Variants in LIMS2 observed in about 807,000 individuals in gnomAD.
LIMS2 encodes LIM zinc finger domain containing 2.
In LIMS2, 30 loss-of-function variants were observed where a neutral mutation model predicts 45.3. The ratio of observed to expected loss-of-function variants is 0.66; its 90% CI spans 0.50 to 0.90. The LOEUF (loss-of-function observed/expected upper bound fraction) is 0.90, where lower values mean the gene tolerates loss of function less well. LIMS2 is among the 40% of genes least tolerant of loss of function. LIMS2 has a pLI of 0.00. For synonymous variants in LIMS2, 173 were observed against 188.0 expected (o/e 0.92, Z 0.65); for missense variants, 485 against 468.7 (o/e 1.03, Z -0.32).
intron 1 of LIMS2, among the ~76,000 whole-genome samples, chr2:127,660,734 G>A (rs1445661935): frequency 6.6e-6 from 1 of 152,222 alleles, no homozygotes; most frequent in Non-Finnish European, 1.5e-5. Flanking sequence ...ACCAAAAGGA[G>A]CCAATGCTGG....
chr2:127,642,802 C>T lies in LIMS2; in HGVS notation c.509+121G>A. The T allele has an allele frequency of 8.7e-7, 1 of 1,154,482 alleles. No homozygotes were observed. Among genetic ancestry groups the T allele is most frequent in the South Asian group, 1.5e-5 (1 of 64,964 alleles). The allele number at this position is 1,154,482 out of a possible 1,614,324, so 71.5% of individuals were successfully genotyped here. On this transcript the variant is annotated intron_variant, in intron 5 of 9. Transcript: ENST00000355119. The surrounding 1 kb of genome is among the most constrained non-coding windows in gnomAD (Gnocchi z 5.3). ...AGCCTTGCTCTCGGGACCCCTCTGT[C>T]TGCCCACCCTGCTCCCCTCTCCCTC... is the stretch of plus-strand genomic sequence containing the variant.
chr2:127,640,782 G>A (rs1558866875), intron 7 of LIMS2, 114 bp downstream of exon 7: 2 of 916,996 alleles, frequency 2.2e-6, no homozygotes, highest in Non-Finnish European at 3.5e-6. Context: ...TGCAGGCCTG[G>A]GCTCAGCACC....
At chr2:127,670,579 C>T (rs13410435) in intron 1 of LIMS2, among the ~76,000 whole-genome samples, 191 of 152,270 alleles carry the variant, frequency 1.3e-3, no homozygotes, top group Non-Finnish European at 1.8e-3. Context: ...TGTGAATGCA[C>T]GAAAAACCAC....
chr2:127,648,991 G>GGGGGGGGGGGAGGGAGA (rs1457959172), intron 4 of LIMS2, among the ~76,000 whole-genome samples: 1 of 26,092 alleles, frequency 3.8e-5, no homozygotes, highest in African/African-American at 1.4e-4. Flanking sequence ...GGGGAGGGGA[G>GGGGGGGGGGGAGGGAGA]GGAGGGGAGG....
intron 4 of LIMS2, chr2:127,650,910 GACC>G (rs778169650): frequency 6.2e-7 from 1 of 1,614,058 alleles, no homozygotes; most frequent in South Asian, 1.1e-5. Flanking sequence ...TTTCATCCGA[GACC>G]ACAAGTCCGG....
rs1429906470 is a variant in LIMS2 at position 127,639,129 on chromosome 2, A to AGAT, written c.*149_*151dup. 70 of 787,282 alleles carry AGAT rather than the reference A, an allele frequency of 8.9e-5. No homozygotes were observed. The highest frequency in any genetic ancestry group is 8.0e-6 in the Non-Finnish European group (4 of 502,638). The allele number at this position is 787,282 out of a possible 1,614,324, so 48.8% of individuals were successfully genotyped here. A position where few individuals can be genotyped will look rare whatever the true frequency, so the allele number is the denominator to read the frequency against. ...GAGAGGAGAGACATGGGGAAGGCAG[A>AGAT]GATGAGGGAACAGGAAGGGAGAAGG... On this transcript the variant is annotated 3_prime_UTR_variant, in exon 10 of 10. Transcript: ENST00000355119.
Position 127,640,292 on chromosome 2 carries a change from G to A in LIMS2, c.780C>T (p.Cys260=). ...CACCATCGCCTTCAATCACATGGCT[G>A]CAGTTGTAGCAGACGTCCCCGAAGA... ...NQLFGDVCYN[C]SHVIEGDVVS... The change falls in exon 8 of 10, where the codon TGC becomes TGT. Residue 260 remains cysteine (C), a synonymous_variant. Transcript: ENST00000355119. The A allele has an allele frequency of 1.2e-6, 2 of 1,613,196 alleles. No homozygotes were observed. Among genetic ancestry groups the A allele is most frequent in the Non-Finnish European group, 8.5e-7 (1 of 1,179,968 alleles).
At chr2:127,651,406 G>A (rs752231720) in intron 4 of LIMS2, 144 of 1,612,824 alleles carry the variant, frequency 8.9e-5, no homozygotes, top group South Asian at 4.6e-4. Context: ...CAGGGCCTGC[G>A]TGTGGAGAAG....
At chr2:127,670,810 A>G (rs13423678) in intron 1 of LIMS2, among the ~76,000 whole-genome samples, 8,156 of 152,292 alleles carry the variant, frequency 0.054, 328 homozygotes, top group African/African-American at 0.1. Context: ...TGCCACAAAC[A>G]GGCTGTCCTC....
At chr2:127,665,397 C>CTAT in intron 1 of LIMS2, among the ~76,000 whole-genome samples, 1 of 152,252 alleles carries the variant, frequency 6.6e-6, no homozygotes, top group East Asian at 1.9e-4. Flanking sequence ...ATTCAGATAC[C>CTAT]AGGCCCACAC....
chr2:127,648,477 A>C (rs1227299689), intron 4 of LIMS2, among the ~76,000 whole-genome samples: 1 of 151,990 alleles, frequency 6.6e-6, no homozygotes, highest in East Asian at 1.9e-4. Flanking sequence ...TAGGGCCACC[A>C]CCATGCCTGC....
At chr2:127,651,566 G>A (rs779544947) in intron 4 of LIMS2, 1 of 1,612,570 alleles carries the variant, frequency 6.2e-7, no homozygotes, top group Admixed American at 1.7e-5. Context: ...TCCTGGCCCT[G>A]GCAAACCGCA....
At chr2:127,652,635 G>A (rs1683927378) in intron 4 of LIMS2, 3 of 162,070 alleles carry the variant, frequency 1.9e-5, no homozygotes, top group African/African-American at 4.8e-5. Flanking sequence ...GTAGCTTTAA[G>A]ACTACACAGG....
intron 1 of LIMS2, among the ~76,000 whole-genome samples, chr2:127,658,881 C>T (rs1684436200): frequency 6.6e-6 from 1 of 152,174 alleles, no homozygotes; most frequent in Non-Finnish European, 1.5e-5. Flanking sequence ...TACCTCTCCG[C>T]CTGCTCTGCC....
chr2:127,655,273 T>C lies in LIMS2; in HGVS notation c.172-377A>G. ...TCACTTGGTCCTATTTCGTATACCT[T>C]CTCTGTGGGAGTATCCAGCTCTCTC... On this transcript the variant is annotated intron_variant, in intron 2 of 9. Coordinates refer to ENST00000355119, the MANE Select transcript of LIMS2 (RefSeq NM_001161403.3). The C allele has an allele frequency of 5.6e-5, 17 of 304,024 alleles. No homozygotes were observed. The South Asian group carries it at 5.7e-4, about 10-fold the overall frequency. 18.8% of individuals were successfully genotyped at this position (304,024 alleles called of 1,614,324 possible). A position where few individuals can be genotyped will look rare whatever the true frequency, so the allele number is the denominator to read the frequency against.
chr2:127,663,994 C>A (rs898455895), intron 1 of LIMS2, among the ~76,000 whole-genome samples: 4 of 152,224 alleles, frequency 2.6e-5, no homozygotes, highest in Non-Finnish European at 5.9e-5. Context: ...TGCTCAGAAC[C>A]TGTCTGCTCA....
chr2:127,663,626 G>GGCCCC, intron 1 of LIMS2, among the ~76,000 whole-genome samples: 1 of 136,392 alleles, frequency 7.3e-6, no homozygotes, highest in South Asian at 2.3e-4. Flanking sequence ...CTCCCTCCCT[G>GGCCCC]CCCCCCCGCC....
chr2:127,651,902 A>C, intron 4 of LIMS2: 2 of 743,652 alleles, frequency 2.7e-6, no homozygotes, highest in South Asian at 3.8e-5. Context: ...GCCTAGTCTC[A>C]ACCCATAAAA....
rs1175337449 is a variant in LIMS2 at position 127,667,348 on chromosome 2, CAAAA to C, written c.11+7662_11+7665del. Among the ~76,000 whole-genome samples the C allele has an allele frequency of 1.2e-4, 18 of 152,144 alleles. No homozygotes were observed. The highest frequency in any genetic ancestry group is 1.6e-4 in the Non-Finnish European group (11 of 67,988). On this transcript the variant is annotated intron_variant, in intron 1 of 9. Coordinates refer to ENST00000355119, the MANE Select transcript of LIMS2 (RefSeq NM_001161403.3). This position sits in a 1 kb window ranked among gnomAD's most constrained non-coding sequence, Gnocchi z 4.1. ...CAAACCTTCACAAAATCTTTCCAAA[CAAAA>C]GAAAAGAAAGACTAGGAGGGAATAC...
Sources: allele counts gnomAD v4.1 joint callset (sites outside exome capture counted in the v4.1 genomes callset), GRCh38; gene constraint gnomAD v4.1.1; non-coding constraint Gnocchi (gnomAD v3.1); transcripts MANE v1.5; gene names NCBI Gene and HGNC (gene_info 2026-07-23, HGNC 2026-07-21).